CACNA1D: variants seen among roughly 807,000 people sequenced by gnomAD.
The protein encoded by CACNA1D is calcium voltage-gated channel subunit alpha1 D, also known as voltage-dependent L-type calcium channel subunit alpha-1D.
Under a neutral mutation model 257.1 loss-of-function variants are expected in CACNA1D, and 55 were observed. The ratio of observed to expected loss-of-function variants is 0.21; its 90% CI spans 0.17 to 0.27. The LOEUF (loss-of-function observed/expected upper bound fraction) is 0.27. Among genes scored for constraint, CACNA1D ranks in the 10% least tolerant of loss-of-function variants. CACNA1D has a pLI of 1.00. For missense variants in CACNA1D, 1,876 were observed against 2,784.0 expected, an observed-to-expected ratio of 0.67 and a Z score of 7.34; for synonymous variants, 980 against 1,014.9, an observed-to-expected ratio of 0.97 and a Z score of 0.65.
chr3:53,773,810 T>C (rs1411382333), intron 33 of CACNA1D: 1 of 152,076 alleles, frequency 6.6e-6, no homozygotes, highest in Non-Finnish European at 1.5e-5. Flanking sequence ...CCCTGGAAGG[T>C]CTTTTATCAC....
intron 3 of CACNA1D, among the ~76,000 whole-genome samples, chr3:53,569,798 G>A (rs2092912115): frequency 6.6e-6 from 1 of 152,224 alleles, no homozygotes; most frequent in South Asian, 2.1e-4. Context: ...ATACTTCTGA[G>A]TTTAAATTCT....
At chr3:53,544,988 A>T (rs1319485414) in intron 3 of CACNA1D, among the ~76,000 whole-genome samples, 1 of 152,214 alleles carries the variant, frequency 6.6e-6, no homozygotes, top group East Asian at 1.9e-4. Context: ...CTCCATAGGG[A>T]TTAGCTAATG....
At chr3:53,721,883 T>C (rs2094886584) in intron 11 of CACNA1D, among the ~76,000 whole-genome samples, 1 of 152,062 alleles carries the variant, frequency 6.6e-6, no homozygotes, top group Admixed American at 6.5e-5. Context: ...CTGCAAGAGA[T>C]GTGTATAATA....
intron 8 of CACNA1D, among the ~76,000 whole-genome samples, chr3:53,683,263 AGGTATAT>A (rs2094448558): frequency 2.6e-5 from 4 of 152,278 alleles, no homozygotes; most frequent in Non-Finnish European, 5.9e-5. Flanking sequence ...CCGTGCTGGG[AGGTATAT>A]GGTTCTGCTC....
chr3:53,654,869 A>C (rs1328253071), intron 4 of CACNA1D, among the ~76,000 whole-genome samples: 3 of 152,186 alleles, frequency 2.0e-5, no homozygotes, highest in Admixed American at 6.5e-5. Flanking sequence ...TTTAAAAAAA[A>C]CCCCTAAATC....
At chr3:53,690,495 T>A (rs1039949701) in intron 8 of CACNA1D, among the ~76,000 whole-genome samples, 1 of 152,144 alleles carries the variant, frequency 6.6e-6, no homozygotes, top group African/African-American at 2.4e-5. Flanking sequence ...AGCCCAGCCC[T>A]GGGGTGTGGT....
rs532557261 is a variant in CACNA1D, at chr3:53,506,254, C to T, written c.483+4534C>T. ...TTCAGCCTTCTCTGATACTTGTCCA[C>T]TCCCCGCCTGCCTACATCTGAGTAC... On this transcript the variant is annotated intron_variant, in intron 3 of 47. Transcript: ENST00000350061. Among the ~76,000 whole-genome samples, 18 of 152,318 alleles carry T rather than the reference C, an allele frequency of 1.2e-4. 1 individual carries two copies. Among genetic ancestry groups the T allele is most frequent in the East Asian group, 1.2e-3 (6 of 5,186 alleles).
At chr3:53,750,323 T>C (rs554191745) in intron 27 of CACNA1D, among the ~76,000 whole-genome samples, 10 of 152,324 alleles carry the variant, frequency 6.6e-5, no homozygotes, top group Admixed American at 5.9e-4. Flanking sequence ...AGCTGCTCTT[T>C]AGAGATTCCT....
intron 8 of CACNA1D, among the ~76,000 whole-genome samples, chr3:53,694,820 G>A (rs1352046111): frequency 6.6e-6 from 1 of 152,160 alleles, no homozygotes; most frequent in Non-Finnish European, 1.5e-5. Flanking sequence ...AGCTGCTGTT[G>A]GTTATTCCTG....
intron 3 of CACNA1D, among the ~76,000 whole-genome samples, chr3:53,590,449 A>G (rs72966327): frequency 0.017 from 2,653 of 152,338 alleles, 77 homozygotes; most frequent in African/African-American, 0.06. Context: ...GGGCAGACCT[A>G]GTTTCAGACC....
intron 30 of CACNA1D, among the ~76,000 whole-genome samples, chr3:53,764,104 G>T (rs2095319010): frequency 6.6e-6 from 1 of 152,088 alleles, no homozygotes; most frequent in Admixed American, 6.5e-5. Context: ...GCTAGACCTA[G>T]GTATACACAT....
chr3:53,528,422 A>G (rs2091837616), intron 3 of CACNA1D, among the ~76,000 whole-genome samples: 1 of 152,106 alleles, frequency 6.6e-6, no homozygotes, highest in African/African-American at 2.4e-5. Flanking sequence ...TGTTATTATT[A>G]CTGATGCTTT....
chr3:53,664,350 A>T (rs2633733), intron 5 of CACNA1D, among the ~76,000 whole-genome samples: 4,253 of 152,072 alleles, frequency 0.028, 207 homozygotes, highest in African/African-American at 0.097. Flanking sequence ...TTCTGGTCTC[A>T]TCCTGATCTT....
At chr3:53,562,364 A>G (rs2092755196) in intron 3 of CACNA1D, among the ~76,000 whole-genome samples, 1 of 152,224 alleles carries the variant, frequency 6.6e-6, no homozygotes, top group Admixed American at 6.5e-5. Context: ...TGTTCAGAGA[A>G]CTCTACAGAT....
At chr3:53,590,611 G>T (rs934188598) in intron 3 of CACNA1D, among the ~76,000 whole-genome samples, 5 of 152,218 alleles carry the variant, frequency 3.3e-5, no homozygotes, top group Admixed American at 2.0e-4. Context: ...AACAACTGTG[G>T]TCATCACAGT....
At chr3:53,530,700 A>T (rs987112817) in intron 3 of CACNA1D, among the ~76,000 whole-genome samples, 2 of 152,054 alleles carry the variant, frequency 1.3e-5, no homozygotes, top group African/African-American at 4.8e-5. Flanking sequence ...CTCCAATGCC[A>T]CCTGCCCTGC....
intron 27 of CACNA1D, 91 bp downstream of exon 27, chr3:53,749,560 G>A (rs2095206147): frequency 4.5e-6 from 4 of 888,862 alleles, no homozygotes; most frequent in Non-Finnish European, 7.5e-6. Flanking sequence ...CCAGAGAAGG[G>A]CACCCACATA....
chr3:53,801,547 ATT>A, intron 42 of CACNA1D, 122 bp downstream of exon 42: 3 of 1,296,814 alleles, frequency 2.3e-6, no homozygotes, highest in Non-Finnish European at 3.3e-6. Context: ...CCCCGTAGGC[ATT>A]TGTGTCAGGA....
In CACNA1D at chr3:53,787,452, T is replaced by TGTGTGTGTGA. The variant is rs780595738; in HGVS notation, c.4923+502_4923+503insGTGTGTGAGT. Among the ~76,000 whole-genome samples, 1,453 of 150,608 alleles carry TGTGTGTGTGA rather than the reference T, an allele frequency of 9.6e-3. 21 individuals carry two copies. Among genetic ancestry groups the TGTGTGTGTGA allele is most frequent in the Non-Finnish European group, 0.012 (800 of 67,540 alleles). On this transcript the variant is annotated intron_variant, in intron 40 of 47. Coordinates refer to ENST00000350061, the MANE Select transcript of CACNA1D (RefSeq NM_001128840.3). ...GTGTGTGTGTGTGTGTGTGTGTGTGTGTATGTATGTATGTGTGGTGTGTCT... is the reference window on the plus strand; with the variant it reads ...GTGTGTGTGTGTGTGTGTGTGTGTGTGTGTGTGTGAGTATGTATGTATGTGTGGTGTGTCT...
Sources: gnomAD v4.1 joint callset for allele counts (sites outside exome capture counted in the v4.1 genomes callset) on GRCh38, gnomAD v4.1.1 for gene constraint, MANE v1.5 for transcripts, NCBI Gene and HGNC (gene_info 2026-07-23, HGNC 2026-07-21) for gene names.